Variants in NOC3L observed in about 807,000 individuals in gnomAD.
The protein encoded by NOC3L is nucleolar complex protein 3 homolog.
NOC3L carries 85 observed loss-of-function variants against 102.5 expected under a neutral mutation model. That is an observed-to-expected ratio of 0.83 (90% CI 0.70 to 0.99). The LOEUF is 0.99. Among genes scored for constraint, NOC3L ranks in the 50% least tolerant of loss-of-function variants. NOC3L has a pLI of 0.00. For synonymous variants in NOC3L, 303 were observed against 309.4 expected, an observed-to-expected ratio of 0.98 and a Z score of 0.22; for missense variants, 878 against 914.9, an observed-to-expected ratio of 0.96 and a Z score of 0.52.
At chr10:94,360,509 T>G (rs2054540002) in intron 2 of NOC3L, among the ~76,000 whole-genome samples, 1 of 151,868 alleles carries the variant, frequency 6.6e-6, no homozygotes, top group African/African-American at 2.4e-5. Context: ...TAGCTAAAAA[T>G]TAAAACAACT....
chr10:94,324,350 C>A, the NOC3L span: 15 of 1,611,884 alleles, frequency 9.3e-6, no homozygotes, highest in Non-Finnish European at 1.2e-5. Flanking sequence ...ACCTTTCAGA[C>A]CTTATGCAAA....
In NOC3L at chr10:94,352,379, T is replaced by C. The variant is rs1189003032; in HGVS notation, c.883A>G (p.Arg295Gly). 7 of 1,613,588 alleles carry C rather than the reference T, an allele frequency of 4.3e-6. No homozygotes were observed. The highest frequency in any genetic ancestry group is 5.9e-6 in the Non-Finnish European group (7 of 1,179,824). The change falls in exon 8 of 21, where the codon AGA becomes GGA. Residue 295 changes from arginine to glycine, a missense_variant. By Grantham distance (125) the Arg-to-Gly change is moderately radical. Coordinates refer to ENST00000371361, the MANE Select transcript of NOC3L (RefSeq NM_022451.11). ...CTAACCAGGCCTTCTTCAAATTCTC[T>C]TAACTTCTGGGTTTCTTTTCGGGTC... ...TKTRKETQKLREFEEGLVSQY... is the reference protein window; with the variant it reads ...TKTRKETQKLGEFEEGLVSQY...
rs971731161 is a variant in NOC3L at position 94,333,548 on chromosome 10, A to G, written c.*629T>C. 6.6e-6 allele frequency: 1 copy of G among 152,156 alleles called. No homozygotes were observed. The highest frequency in any genetic ancestry group is 1.5e-5 in the Non-Finnish European group (1 of 68,014). The allele number at this position is 152,156 out of a possible 1,614,324, so 9.4% of individuals were successfully genotyped here. A position where few individuals can be genotyped will look rare whatever the true frequency, so the allele number is the denominator to read the frequency against. On this transcript the variant is annotated 3_prime_UTR_variant, in exon 21 of 21. Coordinates refer to ENST00000371361, the MANE Select transcript of NOC3L (RefSeq NM_022451.11). Reference sequence around the variant, plus strand: ...GTGAAGAACTTTAGAGACTAGAATCATATTCAAACTTTCCTTGAAAGTAGC... The same window carrying G: ...GTGAAGAACTTTAGAGACTAGAATCGTATTCAAACTTTCCTTGAAAGTAGC...
At chr10:94,343,274 G>A (rs1042907363) in intron 13 of NOC3L, among the ~76,000 whole-genome samples, 1 of 151,870 alleles carries the variant, frequency 6.6e-6, no homozygotes, top group Non-Finnish European at 1.5e-5. Flanking sequence ...GTCGAGCATG[G>A]TGGCTCACGC....
At chr10:94,318,785 G>A in the NOC3L span, among the ~76,000 whole-genome samples, 18 of 152,226 alleles carry the variant, frequency 1.2e-4, no homozygotes, top group Non-Finnish European at 2.9e-5. Context: ...AACAAGCTGG[G>A]CACGGTGGCT....
rs953129678 is a variant in NOC3L, at chr10:94,340,314, T to G, written c.1742A>C (p.Tyr581Ser). 4 of 1,612,924 alleles carry G rather than the reference T, an allele frequency of 2.5e-6. No individual in the cohort carries two copies. In the African/African-American group the frequency reaches 5.3e-5, roughly 22 times the overall value. Residue 581 changes from tyrosine to serine, a missense_variant, in exon 16 of 21, where the codon TAC becomes TCC. Tyr to Ser is a moderately radical substitution (Grantham distance 144). Coordinates refer to ENST00000371361, the MANE Select transcript of NOC3L (RefSeq NM_022451.11). ...GAACAGTGTTTTGTAGAGATGTGTG[T>G]AGAATTTCAATGGATCAATATTCAG... ...DVLNIDPLKF[Y>S]THLYKTLFKL...
chr10:94,329,172 G>A (rs889342028), downstream of NOC3L: 2 of 152,154 alleles, frequency 1.3e-5, no homozygotes, highest in African/African-American at 4.8e-5. Flanking sequence ...TAACTGAAGA[G>A]CTATTGATCC....
chr10:94,351,526 T>C (rs968983420), intron 8 of NOC3L, among the ~76,000 whole-genome samples: 1 of 152,122 alleles, frequency 6.6e-6, no homozygotes, highest in Non-Finnish European at 1.5e-5. Context: ...TATCCTTCTA[T>C]TTATTTATTC....
chr10:94,354,592 TC>T (rs34008807), intron 6 of NOC3L, among the ~76,000 whole-genome samples: 1 of 152,170 alleles, frequency 6.6e-6, no homozygotes, highest in Non-Finnish European at 1.5e-5. Flanking sequence ...TCCATACACT[TC>T]CCCTGTAGCG....
intron 2 of NOC3L, chr10:94,361,382 C>G (rs978820947): frequency 1.8e-5 from 7 of 396,926 alleles, no homozygotes; most frequent in Admixed American, 8.4e-5. Context: ...ATTTATGTAA[C>G]GGAGTACTTT....
chr10:94,316,676 G>A, the NOC3L span: 1 of 1,613,994 alleles, frequency 6.2e-7, no homozygotes, highest in South Asian at 1.1e-5. Context: ...TGGTCCAGAA[G>A]AGGAGATCAT....
At chr10:94,339,132 C>G (rs1461062287) in intron 17 of NOC3L, among the ~76,000 whole-genome samples, 1 of 152,254 alleles carries the variant, frequency 6.6e-6, no homozygotes, top group African/African-American at 2.4e-5. Context: ...AACCAGACTG[C>G]CTACATTTGA....
At chr10:94,318,508 G>A in the NOC3L span, among the ~76,000 whole-genome samples, 1 of 152,262 alleles carries the variant, frequency 6.6e-6, no homozygotes, top group African/African-American at 2.4e-5. Context: ...GATTCAGAGA[G>A]GTGAAATCAT....
chr10:94,347,791 T>A, intron 10 of NOC3L, among the ~76,000 whole-genome samples: 1 of 152,180 alleles, frequency 6.6e-6, no homozygotes, highest in Middle Eastern at 3.4e-3. Context: ...TATTCTTGAA[T>A]AGAAAAAAAT....
At position 94,333,886 on chromosome 10, in the gene NOC3L, ATTT is replaced by A. The variant is rs1243285016; in HGVS notation, c.*288_*290del. 50 of 197,476 alleles carry A rather than the reference ATTT, an allele frequency of 2.5e-4. No homozygotes were observed. Among genetic ancestry groups the A allele is most frequent in the Non-Finnish European group, 2.9e-4 (29 of 99,046 alleles). The allele number at this position is 197,476 out of a possible 1,614,324, so 12.2% of individuals were successfully genotyped here. ...CACTTCAGTAAGATCCAGTCCAAAG[ATTT>A]TTTTAAAAAACTATAATGTACGTGA... On this transcript the variant is annotated 3_prime_UTR_variant, in exon 21 of 21. Coordinates refer to ENST00000371361, the MANE Select transcript of NOC3L (RefSeq NM_022451.11).
chr10:94,358,815 G>A (rs995120415), intron 2 of NOC3L, among the ~76,000 whole-genome samples: 2 of 152,072 alleles, frequency 1.3e-5, no homozygotes, highest in Admixed American at 6.5e-5. Context: ...ATCTACCTGT[G>A]TGTTCTGTCT....
Position 94,357,641 on chromosome 10 carries a change from C to T in NOC3L, c.351-310G>A, listed in dbSNP as rs114427845. ...TTCATAAAACCAAGTGTGACTCTTA[C>T]TTTCCCAAAATCTTTAGAGTATAGC... On this transcript the variant is annotated intron_variant, in intron 3 of 20. Coordinates refer to ENST00000371361, the MANE Select transcript of NOC3L (RefSeq NM_022451.11). 5.0e-3 allele frequency: 1,154 copies of T among 232,646 alleles called. 15 individuals carry two copies. The highest frequency in any genetic ancestry group is 0.024 in the African/African-American group (1,061 of 44,322). The allele number at this position is 232,646 out of a possible 1,614,324, so 14.4% of individuals were successfully genotyped here.
chr10:94,357,935 CTTTA>C, intron 3 of NOC3L, 144 bp downstream of exon 3: 1 of 618,878 alleles, frequency 1.6e-6, no homozygotes, highest in South Asian at 2.0e-5. Context: ...CATGAACCTC[CTTTA>C]TTTAGGAAAT....
chr10:94,334,307 T>C lies in NOC3L; in HGVS notation c.2275-2A>G. On this transcript the variant is annotated splice_acceptor_variant, in intron 20 of 20. Coordinates refer to ENST00000371361, the MANE Select transcript of NOC3L (RefSeq NM_022451.11). LOFTEE classifies it high-confidence loss of function. Reference sequence around the variant, plus strand: ...TGAATCCCCTTGTAAAAATTTACCCTAGGAAAATATTTAAAGTATGAGTTA... The same window carrying C: ...TGAATCCCCTTGTAAAAATTTACCCCAGGAAAATATTTAAAGTATGAGTTA... 1.3e-6 allele frequency: 2 copies of C among 1,563,552 alleles called. No homozygotes were observed. The highest frequency in any genetic ancestry group is 1.8e-6 in the Non-Finnish European group (2 of 1,138,478).
Sources: gnomAD v4.1 joint callset for allele counts (sites outside exome capture counted in the v4.1 genomes callset) on GRCh38, gnomAD v4.1.1 for gene constraint, MANE v1.5 for transcripts, NCBI Gene and HGNC (gene_info 2026-07-23, HGNC 2026-07-21) for gene names.